Variants in DMXL1 observed in about 807,000 individuals in gnomAD.
DMXL1 encodes Dmx like 1, also known as dmX-like protein 1.
Under a neutral mutation model 319.2 loss-of-function variants are expected in DMXL1, and 99 were observed. The observed-to-expected ratio is 0.31, with a 90% CI of 0.26 to 0.37. The LOEUF is 0.37. Ranked by LOEUF, DMXL1 falls within the 10% of genes least tolerant of loss-of-function variation. DMXL1 has a pLI of 1.00. For missense variants in DMXL1, 3,745 were observed against 3,595.6 expected (o/e 1.04, Z -1.06); for synonymous variants, 1,385 against 1,235.2 (o/e 1.12, Z -2.54).
chr5:119,079,151 T>G (rs529053362), intron 1 of DMXL1, among the ~76,000 whole-genome samples: 7 of 152,278 alleles, frequency 4.6e-5, no homozygotes, highest in African/African-American at 1.7e-4. Flanking sequence ...CATTTTTCCT[T>G]TCTTGTACCT....
At position 119,238,840 on chromosome 5, in the gene DMXL1, T is replaced by C. The variant is rs183986422; in HGVS notation, c.8560-149T>C. 1.6e-5 allele frequency: 23 copies of C among 1,421,428 alleles called. No homozygotes were observed. In the Middle Eastern group the frequency reaches 1.3e-3, roughly 78 times the overall value. 88.1% of individuals were successfully genotyped at this position (1,421,428 alleles called of 1,614,324 possible). ...TATATGAAAGTTCTCTGTATTACTT[T>C]TACAATTTTTCTAAAGTTCAAAGGA... On this transcript the variant is annotated intron_variant, in intron 40 of 43. Coordinates refer to ENST00000539542, the MANE Select transcript of DMXL1 (RefSeq NM_001290321.3).
In DMXL1 at chr5:119,198,761, C is replaced by A. The variant is rs1317743993; in HGVS notation, c.7745+805C>A. Among the ~76,000 whole-genome samples the A allele has an allele frequency of 3.9e-5, 6 of 152,312 alleles. No homozygotes were observed. In the East Asian group the frequency reaches 5.8e-4, roughly 15 times the overall value. ...CAACAGTAACCAAAACAGCATGGTA[C>A]TGGTACAAAAATAGACAAATAGACC... On this transcript the variant is annotated intron_variant, in intron 32 of 43. Transcript: ENST00000539542.
chr5:119,189,403 C>T (rs1003322977), intron 28 of DMXL1, among the ~76,000 whole-genome samples: 9 of 152,242 alleles, frequency 5.9e-5, no homozygotes, highest in Non-Finnish European at 1.3e-4. Flanking sequence ...AATTTCCTAT[C>T]GTGTTCCTAG....
At chr5:119,081,737 A>G in intron 1 of DMXL1, 1 of 984,982 alleles carries the variant, frequency 1.0e-6, no homozygotes, top group South Asian at 4.7e-5. Flanking sequence ...TAATGGGGAC[A>G]AATTGAGACT....
chr5:119,177,413 A>G lies in DMXL1; in HGVS notation c.6815A>G (p.His2272Arg), dbSNP rs1159629848. 4 of 1,609,424 alleles carry G rather than the reference A, an allele frequency of 2.5e-6. No individual in the cohort carries two copies. The highest frequency in any genetic ancestry group is 1.1e-5 in the South Asian group (1 of 90,636). ...GTATATCAGACAGTACTGCTTCCTC[A>G]TCGACCTTCTTTGAAAACAGGAAGC... is the stretch of plus-strand genomic sequence containing the variant. ...GMVYQTVLLP[H>R]RPSLKTGSLD... The change falls in exon 27 of 44, where the codon CAT becomes CGT. Residue 2272 changes from histidine to arginine, a missense_variant. His to Arg is a conservative substitution (Grantham distance 29). Around this residue, in one of 4 missense-constraint regions of DMXL1, gnomAD observed 1,382 missense variants for 1,269.5 expected, o/e 1.09. Coordinates refer to ENST00000539542, the MANE Select transcript of DMXL1 (RefSeq NM_001290321.3).
intron 2 of DMXL1, among the ~76,000 whole-genome samples, chr5:119,101,028 G>C (rs1214838924): frequency 1.3e-5 from 2 of 151,724 alleles, no homozygotes; most frequent in Non-Finnish European, 2.9e-5. Flanking sequence ...TGATCCTCCC[G>C]CCTCGGCCTC....
Position 119,247,159 on chromosome 5 carries a change from G to C in DMXL1, c.9087G>C (p.Leu3029=). ...GADGTMKMRI[L]PDQFSPLNEV... is the part of the protein sequence containing the mutation. ...ATGGAACAATGAAAATGAGAATACT[G>C]CCAGATCAGTTTAGCCCTTTAAATG... The change falls in exon 44 of 44, where the codon CTG becomes CTC. Residue 3029 remains leucine (L), a synonymous_variant. Coordinates refer to ENST00000539542, the MANE Select transcript of DMXL1 (RefSeq NM_001290321.3). 1 of 1,614,026 alleles carries C rather than the reference G, an allele frequency of 6.2e-7. No homozygotes were observed. The highest frequency in any genetic ancestry group is 8.5e-7 in the Non-Finnish European group (1 of 1,179,994).
At chr5:119,206,502 C>A in intron 33 of DMXL1, 1 of 166,532 alleles carries the variant, frequency 6.0e-6, no homozygotes, top group Non-Finnish European at 1.3e-5. Context: ...ACTCTGACAC[C>A]AGTAGCTCTG....
chr5:119,172,011 T>C, intron 25 of DMXL1, 42 bp downstream of exon 25: 1 of 1,503,942 alleles, frequency 6.6e-7, no homozygotes, highest in Non-Finnish European at 9.0e-7. Context: ...ATCTGTACAA[T>C]GATAAAACTA....
intron 38 of DMXL1, among the ~76,000 whole-genome samples, chr5:119,230,554 G>T (rs981113950): frequency 6.6e-6 from 1 of 152,040 alleles, no homozygotes. Flanking sequence ...TTGGCGATCT[G>T]CCAGATACAA....
chr5:119,082,028 C>G (rs200502997), intron 1 of DMXL1, among the ~76,000 whole-genome samples: 1 of 129,502 alleles, frequency 7.7e-6, no homozygotes, highest in Non-Finnish European at 1.6e-5. Context: ...TATACACACA[C>G]ACACACACAC....
chr5:119,163,444 CCTTACT>C (rs1236477989), intron 19 of DMXL1, among the ~76,000 whole-genome samples: 1 of 152,136 alleles, frequency 6.6e-6, no homozygotes, highest in African/African-American at 2.4e-5. Context: ...TGAGACAGAG[CCTTACT>C]CTGTTGCCGA....
At chr5:119,101,579 A>G (rs1490330348) in intron 2 of DMXL1, among the ~76,000 whole-genome samples, 1 of 152,226 alleles carries the variant, frequency 6.6e-6, no homozygotes, top group Non-Finnish European at 1.5e-5. Flanking sequence ...AATTTAGAGG[A>G]TGGATGACGA....
At chr5:119,125,218 A>G (rs1763253821) in intron 9 of DMXL1, among the ~76,000 whole-genome samples, 1 of 152,222 alleles carries the variant, frequency 6.6e-6, no homozygotes, top group Non-Finnish European at 1.5e-5. Context: ...TAAATACAGA[A>G]TGGTGACTTT....
At position 119,247,082 on chromosome 5, in the gene DMXL1, G is replaced by A; in HGVS notation, c.9010G>A (p.Val3004Met). Reference protein sequence around the residue: ...QSIFRNIGTGVMQIETGPANH... With the variant: ...QSIFRNIGTGMMQIETGPANH... Reference sequence around the variant, plus strand: ...CATTTTTAGAAATATTGGAACTGGAGTGATGCAAATTGAGACAGGGCCTGC... The same window carrying A: ...CATTTTTAGAAATATTGGAACTGGAATGATGCAAATTGAGACAGGGCCTGC... The change falls in exon 44 of 44, where the codon GTG becomes ATG. Residue 3004 changes from valine to methionine, a missense_variant. By Grantham distance (21) the Val-to-Met change is conservative. Coordinates refer to ENST00000539542, the MANE Select transcript of DMXL1 (RefSeq NM_001290321.3). 6.2e-7 allele frequency: 1 copy of A among 1,614,106 alleles called. No homozygotes were observed. The highest frequency in any genetic ancestry group is 8.5e-7 in the Non-Finnish European group (1 of 1,179,988).
chr5:119,173,776 G>GTGTGTATATATATATA lies in DMXL1; in HGVS notation c.6682-1484_6682-1483insGTGTATATATATATAT. Among the ~76,000 whole-genome samples the GTGTGTATATATATATA allele has an allele frequency of 3.7e-4, 25 of 67,170 alleles. 1 individual carries two copies. Among genetic ancestry groups the GTGTGTATATATATATA allele is most frequent in the African/African-American group, 1.3e-3 (24 of 18,016 alleles). The allele number at this position is 67,170 out of a possible 152,430, so 44.1% of individuals were successfully genotyped here. On this transcript the variant is annotated intron_variant, in intron 25 of 43. Transcript: ENST00000539542. ...TGTGTATATATATATATGTGTGTGT[G>GTGTGTATATATATATA]TATATATATATATATATATATAATG...
chr5:119,096,131 A>G (rs1755896950), intron 1 of DMXL1, among the ~76,000 whole-genome samples: 1 of 152,058 alleles, frequency 6.6e-6, no homozygotes, highest in Non-Finnish European at 1.5e-5. Flanking sequence ...TAGAGTATAC[A>G]GAATAATTTT....
chr5:119,098,004 T>G lies in DMXL1; in HGVS notation c.113T>G (p.Val38Gly). 6.2e-7 allele frequency: 1 copy of G among 1,605,510 alleles called. No homozygotes were observed. Among genetic ancestry groups the G allele is most frequent in the Non-Finnish European group, 8.5e-7 (1 of 1,177,532 alleles). ...FTAYASGCDI[V>G]ILGSDFERLQ... is the part of the protein sequence containing the mutation. ...GCTTATGCATCTGGATGTGACATTGTAATACTGGGAAGCGATTTTGAAAGA... is the reference window on the plus strand; with the variant it reads ...GCTTATGCATCTGGATGTGACATTGGAATACTGGGAAGCGATTTTGAAAGA... The change falls in exon 2 of 44, where the codon GTA becomes GGA. Residue 38 changes from valine to glycine, a missense_variant. Physicochemically the swap from Val to Gly is moderately radical, Grantham distance 109. This residue lies in a region of DMXL1 where 2,096 missense variants were observed against 1,985.4 expected (regional missense o/e 1.06). Coordinates refer to ENST00000539542, the MANE Select transcript of DMXL1 (RefSeq NM_001290321.3).
At position 119,224,850 on chromosome 5, in the gene DMXL1, G is replaced by A. The variant is rs1785249781; in HGVS notation, c.8338+81G>A. 2.6e-5 allele frequency: 15 copies of A among 586,988 alleles called. 1 individual carries two copies. The highest frequency in any genetic ancestry group is 3.3e-5 in the Admixed American group (1 of 30,054). 36.4% of individuals were successfully genotyped at this position (586,988 alleles called of 1,614,324 possible). ...TAATTTTATTATAAGAAATGTGTGG[G>A]AACCTTTTTGTTTTAATTGAAAGCA... On this transcript the variant is annotated intron_variant, in intron 38 of 43. Transcript: ENST00000539542.
Sources: allele counts gnomAD v4.1 joint callset (sites outside exome capture counted in the v4.1 genomes callset), GRCh38; gene constraint gnomAD v4.1.1; regional missense constraint gnomAD v4.1.1; transcripts MANE v1.5; gene names NCBI Gene and HGNC (gene_info 2026-07-23, HGNC 2026-07-21).